Variants in PTPRD observed in about 807,000 individuals in gnomAD.
The protein encoded by PTPRD is receptor-type tyrosine-protein phosphatase delta.
In PTPRD, 34 loss-of-function variants were observed where a neutral mutation model predicts 214.5. That is an observed-to-expected ratio of 0.16 (90% CI 0.12 to 0.21). The LOEUF (loss-of-function observed/expected upper bound fraction) is 0.21. PTPRD is among the 10% of genes least tolerant of loss of function. The probability of loss-of-function intolerance (pLI) is 1.00; values close to 1 mark genes in which losing one functional copy is unlikely to be tolerated. For synonymous variants in PTPRD, 1,128 were observed against 845.7 expected (o/e 1.33, Z -5.79); for missense variants, 2,545 against 2,398.7 (o/e 1.06, Z -1.27).
intron 12 of PTPRD, among the ~76,000 whole-genome samples, chr9:8,680,842 G>A (rs1212327372): frequency 1.3e-5 from 2 of 152,104 alleles, no homozygotes; most frequent in African/African-American, 4.8e-5. Flanking sequence ...ACTAGCCCAT[G>A]GCAGGCTTAC....
intron 3 of PTPRD, among the ~76,000 whole-genome samples, chr9:10,038,067 T>C (rs773247881): frequency 1.1e-4 from 17 of 152,284 alleles, no homozygotes; most frequent in Middle Eastern, 3.4e-3. Context: ...GACTTGAATT[T>C]ATTTTATCTG....
intron 2 of PTPRD, among the ~76,000 whole-genome samples, chr9:10,358,490 G>A (rs757455596): frequency 6.6e-6 from 1 of 151,546 alleles, no homozygotes; most frequent in African/African-American, 2.4e-5. Context: ...CTTTAGTTTG[G>A]CACCCTAGTA....
At chr9:9,153,317 C>T (rs1453622964) in intron 10 of PTPRD, among the ~76,000 whole-genome samples, 1 of 152,044 alleles carries the variant, frequency 6.6e-6, no homozygotes, top group African/African-American at 2.4e-5. Flanking sequence ...TTATAGTTAG[C>T]CAAGATGGAA....
chr9:9,068,890 G>A (rs1219212885), intron 10 of PTPRD, among the ~76,000 whole-genome samples: 1 of 152,162 alleles, frequency 6.6e-6, no homozygotes, highest in African/African-American at 2.4e-5. Flanking sequence ...GATTACAGGT[G>A]TGAGGCACGG....
At chr9:9,707,715 C>T (rs375962456) in intron 7 of PTPRD, among the ~76,000 whole-genome samples, 8 of 151,974 alleles carry the variant, frequency 5.3e-5, no homozygotes, top group Non-Finnish European at 8.8e-5. Flanking sequence ...TACTTAAACC[C>T]TTTCTTATAG....
chr9:8,388,865 TACATA>T (rs2088276952), intron 37 of PTPRD, among the ~76,000 whole-genome samples: 1 of 152,184 alleles, frequency 6.6e-6, no homozygotes, highest in Non-Finnish European at 1.5e-5. Context: ...ATAGTGGAAG[TACATA>T]TTGGTGGGAT....
At chr9:8,676,876 T>C (rs1308652855) in intron 12 of PTPRD, among the ~76,000 whole-genome samples, 3 of 152,124 alleles carry the variant, frequency 2.0e-5, no homozygotes, top group African/African-American at 4.8e-5. Context: ...GCCCGGCCCA[T>C]TGTCATCTAT....
intron 9 of PTPRD, among the ~76,000 whole-genome samples, chr9:9,206,343 G>A (rs2099944848): frequency 6.6e-6 from 1 of 152,194 alleles, no homozygotes; most frequent in African/African-American, 2.4e-5. Context: ...ATGACATGAT[G>A]TAACATGTTT....
intron 3 of PTPRD, among the ~76,000 whole-genome samples, chr9:10,327,869 ACCCAGGTCTATT>A (rs1263506571): frequency 1.3e-5 from 2 of 151,726 alleles, no homozygotes; most frequent in African/African-American, 4.8e-5. Context: ...CTCCTGAAGA[ACCCAGGTCTATT>A]CTTTGATACC....
chr9:9,492,055 G>C (rs541204861), intron 8 of PTPRD, among the ~76,000 whole-genome samples: 1 of 151,782 alleles, frequency 6.6e-6, no homozygotes, highest in Non-Finnish European at 1.5e-5. Context: ...AAATGAAAGT[G>C]GGGGCATTAT....
chr9:9,039,057 A>T (rs2099631226), intron 10 of PTPRD, among the ~76,000 whole-genome samples: 1 of 152,178 alleles, frequency 6.6e-6, no homozygotes, highest in Admixed American at 6.5e-5. Flanking sequence ...TTGTGTTTTC[A>T]GAGTTAAGCT....
At chr9:9,915,084 T>G (rs2080315795) in intron 5 of PTPRD, among the ~76,000 whole-genome samples, 1 of 152,126 alleles carries the variant, frequency 6.6e-6, no homozygotes, top group South Asian at 2.1e-4. Flanking sequence ...ACAAACTCTC[T>G]TAGCATAGGC....
chr9:8,714,858 T>A (rs371067497), intron 12 of PTPRD, among the ~76,000 whole-genome samples: 4 of 152,184 alleles, frequency 2.6e-5, no homozygotes, highest in African/African-American at 9.7e-5. Context: ...TACTTTCCTA[T>A]TTATCAATTG....
At chr9:8,973,771 A>G (rs1180460350) in intron 11 of PTPRD, among the ~76,000 whole-genome samples, 1 of 152,020 alleles carries the variant, frequency 6.6e-6, no homozygotes, top group African/African-American at 2.4e-5. Context: ...GTGATGTGAA[A>G]TGGCATCTCA....
intron 10 of PTPRD, among the ~76,000 whole-genome samples, chr9:9,158,294 C>T (rs1240622896): frequency 1.3e-5 from 2 of 152,102 alleles, no homozygotes; most frequent in Non-Finnish European, 2.9e-5. Flanking sequence ...AATTGCCACA[C>T]TGTCGTCAAC....
At chr9:9,452,422 G>T (rs893906878) in intron 8 of PTPRD, among the ~76,000 whole-genome samples, 4 of 151,296 alleles carry the variant, frequency 2.6e-5, no homozygotes, top group Non-Finnish European at 5.9e-5. Context: ...TAAAATTCAA[G>T]AATGAATAAT....
At chr9:10,206,292 C>A (rs2099478037) in intron 3 of PTPRD, among the ~76,000 whole-genome samples, 1 of 152,108 alleles carries the variant, frequency 6.6e-6, no homozygotes, top group Non-Finnish European at 1.5e-5. Flanking sequence ...TATGTAAATG[C>A]TAAACCATAA....
chr9:9,176,776 C>G (rs905565284), intron 10 of PTPRD, among the ~76,000 whole-genome samples: 2 of 152,134 alleles, frequency 1.3e-5, no homozygotes, highest in African/African-American at 4.8e-5. Flanking sequence ...GGATGAGGCC[C>G]TTGCCAGGTG....
chr9:9,208,071 G>C (rs2099946114), intron 9 of PTPRD, among the ~76,000 whole-genome samples: 1 of 101,592 alleles, frequency 9.8e-6, no homozygotes, highest in Non-Finnish European at 2.0e-5. Context: ...CCAGTCTGGA[G>C]TGCAGTGGTG....
Sources: allele counts gnomAD v4.1 joint callset (sites outside exome capture counted in the v4.1 genomes callset), GRCh38; gene constraint gnomAD v4.1.1; transcripts MANE v1.5; gene names NCBI Gene and HGNC (gene_info 2026-07-23, HGNC 2026-07-21).